ANXA8: variants seen among roughly 807,000 people sequenced by gnomAD.
ANXA8 encodes the protein VAC-beta.
In ANXA8, 9 loss-of-function variants were observed where a neutral mutation model predicts 26.8. The observed-to-expected ratio is 0.34, with a 90% CI of 0.20 to 0.59. The LOEUF is 0.59. Among genes scored for constraint, ANXA8 ranks in the 20% least tolerant of loss-of-function variants. The probability of loss-of-function intolerance (pLI) is 0.84; values close to 1 mark genes in which losing one functional copy is unlikely to be tolerated. For synonymous variants in ANXA8, 39 were observed against 94.8 expected (o/e 0.41, Z 3.42); for missense variants, 83 against 238.5 (o/e 0.35, Z 4.29).
chr10:47,743,297 CATATAT>C, the ANXA8 span, among the ~76,000 whole-genome samples: 5 of 57,048 alleles, frequency 8.8e-5, no homozygotes, highest in South Asian at 8.3e-4. Context: ...TATATATACA[CATATAT>C]ATATATATAC....
the ANXA8 span, among the ~76,000 whole-genome samples, chr10:47,689,423 G>A: frequency 1.2e-3 from 177 of 151,210 alleles, no homozygotes; most frequent in East Asian, 4.1e-3. Flanking sequence ...TGATCCACCT[G>A]CCTCGGCCTC....
the ANXA8 span, among the ~76,000 whole-genome samples, chr10:47,722,918 C>G: frequency 7.1e-6 from 1 of 141,106 alleles, no homozygotes; most frequent in South Asian, 2.2e-4. Flanking sequence ...TGAGAATGGT[C>G]GGAAAATAGT....
the ANXA8 span, among the ~76,000 whole-genome samples, chr10:47,544,181 T>G: frequency 1.4e-4 from 22 of 151,942 alleles, 1 homozygote; most frequent in South Asian, 3.7e-3. Context: ...TTCCAAGTCC[T>G]CCCATTTTCC....
the ANXA8 span, among the ~76,000 whole-genome samples, chr10:47,741,893 T>G: frequency 8.3e-6 from 1 of 120,072 alleles, no homozygotes; most frequent in African/African-American, 3.0e-5. Flanking sequence ...CAGGCTGGAG[T>G]GCAATGGCAC....
upstream of ANXA8, among the ~76,000 whole-genome samples, chr10:47,487,764 G>C (rs1483713751): frequency 7.0e-6 from 1 of 142,348 alleles, no homozygotes; most frequent in Non-Finnish European, 1.5e-5. Context: ...CTTTTGGCTT[G>C]GTTTATAGTG....
At chr10:47,695,910 A>T in the ANXA8 span, among the ~76,000 whole-genome samples, 1 of 151,804 alleles carries the variant, frequency 6.6e-6, no homozygotes. Flanking sequence ...TTCACTTTTA[A>T]CTTGTGTGGA....
rs1420750514 is a variant in ANXA8 at position 47,469,903 on chromosome 10, C to T, written c.925-997G>A. ...TTTTTAACTTTTTCCTTTCTAGACA[C>T]GATCTCACTCTGTCACCCAGGCTGG... On this transcript the variant is annotated intron_variant, in intron 11 of 11. Transcript: ENST00000585281. Among the ~76,000 whole-genome samples the T allele has an allele frequency of 6.0e-3, 906 of 151,446 alleles. 44 individuals carry two copies. The highest frequency in any genetic ancestry group is 0.021 in the African/African-American group (839 of 40,856).
chr10:47,747,347 T>C, the ANXA8 span, among the ~76,000 whole-genome samples: 2 of 150,342 alleles, frequency 1.3e-5, no homozygotes, highest in East Asian at 2.0e-4. Context: ...AGTTAAGCTA[T>C]GCAGAAAGGC....
the ANXA8 span, among the ~76,000 whole-genome samples, chr10:47,762,216 C>T: frequency 1.3e-5 from 2 of 151,938 alleles, no homozygotes; most frequent in African/African-American, 4.8e-5. Context: ...ACGCGGTGGA[C>T]GAGGTGGGGA....
chr10:47,947,413 G>A, the ANXA8 span, among the ~76,000 whole-genome samples: 1 of 142,668 alleles, frequency 7.0e-6, no homozygotes, highest in African/African-American at 2.7e-5. Flanking sequence ...AATCCCCAAT[G>A]CAGCAGTTTT....
the ANXA8 span, among the ~76,000 whole-genome samples, chr10:47,694,659 T>A: frequency 6.6e-6 from 1 of 151,856 alleles, no homozygotes; most frequent in Non-Finnish European, 1.5e-5. Flanking sequence ...GACCTTGTGA[T>A]CTGCCCACCT....
the ANXA8 span, among the ~76,000 whole-genome samples, chr10:47,958,080 C>T: frequency 6.7e-6 from 1 of 150,294 alleles, no homozygotes; most frequent in East Asian, 2.0e-4. Flanking sequence ...CACAATTCAA[C>T]CCACTCCAGG....
chr10:47,721,234 T>C, the ANXA8 span, among the ~76,000 whole-genome samples: 2 of 142,174 alleles, frequency 1.4e-5, no homozygotes, highest in African/African-American at 5.1e-5. Context: ...TATAGGTGAC[T>C]TATTTATATC....
chr10:47,497,189 G>A, the ANXA8 span, among the ~76,000 whole-genome samples: 4 of 143,584 alleles, frequency 2.8e-5, no homozygotes, highest in Admixed American at 2.8e-4. Context: ...GCATGGTGGT[G>A]CATGCCTGTA....
Position 47,474,321 on chromosome 10 carries a change from G to A in ANXA8, c.630C>T (p.Ala210=). 1 of 1,539,138 alleles carries A rather than the reference G, an allele frequency of 6.5e-7. No homozygotes were observed. ...KFITILCTRS[A]THLLRVFEEY... ...CCCTGGTACCTCTCAGCAGGTGAGT[G>A]GCACTGCGCGTGCACAGGATGGTGA... Residue 210 remains alanine (A), a synonymous_variant, in exon 8 of 12, where the codon GCC becomes GCT. Transcript: ENST00000585281.
chr10:47,696,059 C>T, the ANXA8 span, among the ~76,000 whole-genome samples: 1 of 151,678 alleles, frequency 6.6e-6, no homozygotes, highest in Non-Finnish European at 1.5e-5. Context: ...GGAACCACTA[C>T]TTTGCCTTCT....
At chr10:47,744,735 A>T in the ANXA8 span, among the ~76,000 whole-genome samples, 1 of 151,702 alleles carries the variant, frequency 6.6e-6, no homozygotes, top group South Asian at 2.1e-4. Context: ...ACAGCAAACT[A>T]TTTTATTCTT....
chr10:47,704,141 T>A, the ANXA8 span, among the ~76,000 whole-genome samples: 1 of 142,130 alleles, frequency 7.0e-6, no homozygotes, highest in South Asian at 2.2e-4. Context: ...TTAAATAACA[T>A]ATACATTTTA....
At chr10:47,962,839 T>TG in the ANXA8 span, among the ~76,000 whole-genome samples, 2 of 104,498 alleles carry the variant, frequency 1.9e-5, no homozygotes, top group African/African-American at 3.3e-5. Flanking sequence ...CAGTAAGCAT[T>TG]GGGGGGACAT....
Sources: allele counts gnomAD v4.1 joint callset (sites outside exome capture counted in the v4.1 genomes callset), GRCh38; gene constraint gnomAD v4.1.1; transcripts MANE v1.5; gene names NCBI Gene and HGNC (gene_info 2026-07-23, HGNC 2026-07-21).